CFAP161: variants seen among roughly 807,000 people sequenced by gnomAD.
CFAP161 encodes the protein cilia- and flagella-associated protein 161.
In CFAP161, 25 loss-of-function variants were observed where a neutral mutation model predicts 29.0. The ratio of observed to expected loss-of-function variants is 0.86; its 90% CI spans 0.63 to 1.20. The LOEUF (loss-of-function observed/expected upper bound fraction) is 1.20. CFAP161 is among the 50% of genes most tolerant of loss of function. The probability of loss-of-function intolerance (pLI) is 0.00; values close to 1 mark genes in which losing one functional copy is unlikely to be tolerated. For synonymous variants in CFAP161, 116 were observed against 137.4 expected, an observed-to-expected ratio of 0.84 and a Z score of 1.09; for missense variants, 367 against 371.9, an observed-to-expected ratio of 0.99 and a Z score of 0.11.
intron 4 of CFAP161, among the ~76,000 whole-genome samples, chr15:81,139,883 A>G (rs1284917537): frequency 6.6e-6 from 1 of 152,228 alleles, no homozygotes; most frequent in Non-Finnish European, 1.5e-5. Flanking sequence ...GAATGATCAT[A>G]TACTGCTTCA....
chr15:81,119,880 A>C (rs934167720), intron 1 of CFAP161, among the ~76,000 whole-genome samples: 5 of 150,564 alleles, frequency 3.3e-5, no homozygotes, highest in African/African-American at 9.8e-5. Flanking sequence ...ACACAGCAAG[A>C]TCCTGTCTTT....
At chr15:81,135,235 T>C in intron 1 of CFAP161, 35 bp from the exon 2 acceptor site, 2 of 1,448,536 alleles carry the variant, frequency 1.4e-6, no homozygotes, top group East Asian at 2.3e-5. Context: ...AACATCTATA[T>C]TATTCAGGGC....
chr15:81,130,459 G>A (rs773372611), upstream of CFAP161, among the ~76,000 whole-genome samples: 28 of 152,158 alleles, frequency 1.8e-4, no homozygotes, highest in Non-Finnish European at 3.4e-4. Context: ...CCAGCACTTT[G>A]GGAGGCCGAG....
intron 1 of CFAP161, among the ~76,000 whole-genome samples, chr15:81,117,446 T>TTA (rs1894513189): frequency 6.6e-6 from 1 of 152,046 alleles, no homozygotes; most frequent in Non-Finnish European, 1.5e-5. Context: ...CGGTGGTAGA[T>TTA]TACCAAGAGG....
At chr15:81,108,260 C>T (rs1894398384) in intron 1 of CFAP161, among the ~76,000 whole-genome samples, 1 of 152,090 alleles carries the variant, frequency 6.6e-6, no homozygotes, top group African/African-American at 2.4e-5. Flanking sequence ...CAAACAGATT[C>T]ATTCTTGTTG....
chr15:81,109,712 A>G (rs913044066), intron 1 of CFAP161, among the ~76,000 whole-genome samples: 5 of 152,136 alleles, frequency 3.3e-5, no homozygotes, highest in African/African-American at 1.2e-4. Context: ...TCAAAAAAGA[A>G]TTGCGTAAGT....
In CFAP161 at chr15:81,103,552, G is replaced by A. The variant is rs552821442; in HGVS notation, c.-141-24038G>A. Among the ~76,000 whole-genome samples the A allele has an allele frequency of 6.6e-5, 10 of 152,184 alleles. No homozygotes were observed. The South Asian group carries it at 1.2e-3, about 19-fold the overall frequency. On this transcript the variant is annotated intron_variant, in intron 1 of 4. Transcript: ENST00000560091. ...GAATAGAATAGCTGACCACCTGGAG[G>A]TTCCTGGAGGGTGGTGTGCCCAGGA...
intron 1 of CFAP161, among the ~76,000 whole-genome samples, chr15:81,112,110 T>C (rs549135888): frequency 1.3e-5 from 2 of 152,274 alleles, no homozygotes; most frequent in South Asian, 4.1e-4. Context: ...ACCAGTAATA[T>C]CTTTAATCTG....
chr15:81,134,789 TC>T lies in CFAP161; in HGVS notation c.69+395del, dbSNP rs371311034. The stretch of plus-strand genomic sequence containing the variant: ...AGGTTCTAGGTAGAAATAATATCCC[TC>T]CCCACTCCAACCCTGCCACGCTTGC... On this transcript the variant is annotated intron_variant, in intron 1 of 6. Transcript: ENST00000286732. Among the ~76,000 whole-genome samples, 81 of 152,192 alleles carry T rather than the reference TC, an allele frequency of 5.3e-4. 2 individuals are homozygous for T. The East Asian group carries it at 0.015, about 27-fold the overall frequency.
chr15:81,109,114 T>C (rs1306173932), intron 1 of CFAP161, among the ~76,000 whole-genome samples: 1 of 152,182 alleles, frequency 6.6e-6, no homozygotes, highest in Non-Finnish European at 1.5e-5. Flanking sequence ...ATGCTCTGGC[T>C]AACTTTCTCA....
chr15:81,112,163 T>C (rs190739078), intron 1 of CFAP161, among the ~76,000 whole-genome samples: 10 of 152,204 alleles, frequency 6.6e-5, no homozygotes, highest in Non-Finnish European at 5.9e-5. Flanking sequence ...CAAAAATACT[T>C]GCGCAAGCCG....
intron 1 of CFAP161, among the ~76,000 whole-genome samples, chr15:81,118,509 C>A (rs1240918825): frequency 6.6e-6 from 1 of 152,256 alleles, no homozygotes; most frequent in Admixed American, 6.5e-5. Flanking sequence ...GGGCCGCCCT[C>A]AGCGGGAAAG....
chr15:81,114,669 G>C (rs1197536401), intron 1 of CFAP161, among the ~76,000 whole-genome samples: 1 of 152,088 alleles, frequency 6.6e-6, no homozygotes, highest in Non-Finnish European at 1.5e-5. Flanking sequence ...GTTTTTGTTT[G>C]TTTGTTTGTT....
chr15:81,143,807 G>C lies in CFAP161; in HGVS notation c.623G>C (p.Gly208Ala), dbSNP rs190017157. 8.1e-6 allele frequency: 13 copies of C among 1,614,076 alleles called. No individual in the cohort carries two copies. The highest frequency in any genetic ancestry group is 1.7e-4 in the Middle Eastern group (1 of 6,054). ...CCCCAGTTACGCCTGGAATATGAAG[G>C]CTTCCCCGTCCCGGTGAGTGCAGCA... Reference protein sequence around the residue: ...PDPQLRLEYEGFPVPANAKIL... With the variant: ...PDPQLRLEYEAFPVPANAKIL... Residue 208 changes from glycine (G) to alanine (A), a missense_variant, in exon 5 of 7, where the codon GGC (glycine) becomes GCC (alanine). Coordinates refer to ENST00000286732, the MANE Select transcript of CFAP161 (RefSeq NM_173528.4).
chr15:81,147,801 A>G (rs1595921771), intron 5 of CFAP161, 57 bp from the exon 6 acceptor site: 1 of 1,385,252 alleles, frequency 7.2e-7, no homozygotes, highest in East Asian at 2.4e-5. Flanking sequence ...GCTTTTCCCT[A>G]AAAGCAAAAA....
At chr15:81,137,634 T>C (rs537918349) in intron 3 of CFAP161, among the ~76,000 whole-genome samples, 5 of 152,354 alleles carry the variant, frequency 3.3e-5, no homozygotes, top group South Asian at 2.1e-4. Flanking sequence ...TTTGAATACA[T>C]ATGTTAAGAC....
intron 4 of CFAP161, among the ~76,000 whole-genome samples, chr15:81,140,773 G>C (rs555752786): frequency 2.0e-4 from 30 of 152,022 alleles, no homozygotes; most frequent in Non-Finnish European, 4.1e-4. Flanking sequence ...TTTTTGTAGA[G>C]ACGGAGTTTC....
intron 1 of CFAP161, among the ~76,000 whole-genome samples, chr15:81,100,198 T>C (rs1595906289): frequency 9.6e-6 from 1 of 103,800 alleles, no homozygotes; most frequent in African/African-American, 2.6e-5. Context: ...GTATTTTTTT[T>C]CTCCAAGAAT....
chr15:81,105,499 C>T (rs1220101538), intron 1 of CFAP161, among the ~76,000 whole-genome samples: 1 of 151,496 alleles, frequency 6.6e-6, no homozygotes, highest in Non-Finnish European at 1.5e-5. Flanking sequence ...CTCACTGCAG[C>T]CTTGACCTGC....
Sources: allele counts gnomAD v4.1 joint callset (sites outside exome capture counted in the v4.1 genomes callset), GRCh38; gene constraint gnomAD v4.1.1; transcripts MANE v1.5; gene names NCBI Gene and HGNC (gene_info 2026-07-23, HGNC 2026-07-21).